RBMS3: variants seen among roughly 807,000 people sequenced by gnomAD.
RBMS3 encodes the protein RNA binding motif single stranded interacting protein 3, also known as RNA-binding motif, single-stranded-interacting protein 3.
In RBMS3, 27 loss-of-function variants were observed where a neutral mutation model predicts 66.8. The ratio of observed to expected loss-of-function variants is 0.40; its 90% CI spans 0.30 to 0.56. The LOEUF is 0.56. Ranked by LOEUF, RBMS3 falls within the 20% of genes least tolerant of loss-of-function variation. The pLI is 0.40. For synonymous variants in RBMS3, 188 were observed against 183.0 expected, an observed-to-expected ratio of 1.03 and a Z score of -0.22; for missense variants, 513 against 549.5, an observed-to-expected ratio of 0.93 and a Z score of 0.66.
intron 2 of RBMS3, among the ~76,000 whole-genome samples, chr3:29,457,297 C>T (rs1022351989): frequency 6.6e-6 from 1 of 152,216 alleles, no homozygotes; most frequent in Admixed American, 6.5e-5. Context: ...CAGTCTCTTA[C>T]TCCAAAAGCC....
chr3:29,557,541 TTTGA>T (rs1293490711), intron 3 of RBMS3, among the ~76,000 whole-genome samples: 1 of 152,184 alleles, frequency 6.6e-6, no homozygotes, highest in Non-Finnish European at 1.5e-5. Context: ...TTTTAATGTG[TTTGA>T]TTGGTTCAGA....
At chr3:29,308,135 C>G (rs1411056345) in intron 1 of RBMS3, among the ~76,000 whole-genome samples, 1 of 151,268 alleles carries the variant, frequency 6.6e-6, no homozygotes, top group South Asian at 2.1e-4. Context: ...TTTTTAAATA[C>G]TTGTCAGCAG....
chr3:29,993,694 T>G (rs1169312834), intron 14 of RBMS3, among the ~76,000 whole-genome samples: 1 of 152,178 alleles, frequency 6.6e-6, no homozygotes. Flanking sequence ...GCCTTTGAAC[T>G]TAAACAAAAA....
intron 4 of RBMS3, among the ~76,000 whole-genome samples, chr3:29,587,528 G>C (rs1310108105): frequency 1.3e-5 from 2 of 151,564 alleles, no homozygotes; most frequent in African/African-American, 4.8e-5. Context: ...CACTCGTGAA[G>C]TGCTCTGTTC....
At chr3:29,763,588 A>G (rs572830949) in intron 6 of RBMS3, among the ~76,000 whole-genome samples, 4 of 152,188 alleles carry the variant, frequency 2.6e-5, no homozygotes, top group African/African-American at 9.6e-5. Context: ...GGCATTTCAC[A>G]CTTCCCAAGG....
At chr3:29,362,933 T>A (rs1474463420) in intron 1 of RBMS3, among the ~76,000 whole-genome samples, 1 of 152,244 alleles carries the variant, frequency 6.6e-6, no homozygotes, top group African/African-American at 2.4e-5. Flanking sequence ...CTATCTATGA[T>A]CTTGCTTTGT....
intron 4 of RBMS3, among the ~76,000 whole-genome samples, chr3:29,600,354 G>C (rs79472823): frequency 0.024 from 3,715 of 151,992 alleles, 175 homozygotes; most frequent in African/African-American, 0.085. Flanking sequence ...ATGAGATCTT[G>C]CTCTATTAGT....
intron 6 of RBMS3, among the ~76,000 whole-genome samples, chr3:29,824,247 T>G (rs191660352): frequency 3.9e-4 from 59 of 152,162 alleles, no homozygotes; most frequent in African/African-American, 1.3e-3. Context: ...AATGTCCTTA[T>G]GAAAGAGTTC....
At chr3:29,432,541 A>AT (rs1312117512) in intron 1 of RBMS3, among the ~76,000 whole-genome samples, 2 of 152,110 alleles carry the variant, frequency 1.3e-5, no homozygotes, top group African/African-American at 2.4e-5. Flanking sequence ...TCTTTATTCC[A>AT]TTTTTTATTA....
At chr3:29,357,142 G>A (rs1336602707) in intron 1 of RBMS3, among the ~76,000 whole-genome samples, 2 of 152,084 alleles carry the variant, frequency 1.3e-5, no homozygotes, top group Non-Finnish European at 2.9e-5. Context: ...TTGGTGTGCT[G>A]CACCCATTAA....
chr3:29,832,224 G>C (rs181719922), intron 6 of RBMS3, among the ~76,000 whole-genome samples: 32 of 152,308 alleles, frequency 2.1e-4, no homozygotes, highest in African/African-American at 7.5e-4. Flanking sequence ...CATACAAAGA[G>C]AGAGGTGGAA....
At chr3:29,537,913 A>G (rs569563361) in intron 3 of RBMS3, among the ~76,000 whole-genome samples, 1 of 152,094 alleles carries the variant, frequency 6.6e-6, no homozygotes, top group South Asian at 2.1e-4. Context: ...ATTGTGAGTC[A>G]TGATGAACTA....
At chr3:29,372,132 G>T (rs4680721) in intron 1 of RBMS3, among the ~76,000 whole-genome samples, 13,955 of 149,448 alleles carry the variant, frequency 0.093, 822 homozygotes, top group Non-Finnish European at 0.13. Context: ...GTTCAAAGGT[G>T]TGAAACAGTT....
chr3:29,322,416 G>A (rs1211342462), intron 1 of RBMS3, among the ~76,000 whole-genome samples: 1 of 151,902 alleles, frequency 6.6e-6, no homozygotes, highest in Non-Finnish European at 1.5e-5. Flanking sequence ...ATATTCTGGG[G>A]CCTATATCAC....
chr3:29,632,682 G>T (rs759828719), intron 4 of RBMS3, among the ~76,000 whole-genome samples: 20 of 151,954 alleles, frequency 1.3e-4, no homozygotes, highest in Admixed American at 3.9e-4. Flanking sequence ...TGACTAAATG[G>T]ATCTTTGTGA....
chr3:29,726,479 A>G (rs1170167450), intron 4 of RBMS3, among the ~76,000 whole-genome samples: 1 of 152,020 alleles, frequency 6.6e-6, no homozygotes, highest in East Asian at 1.9e-4. Flanking sequence ...CAGCGCAAAA[A>G]CTCCTTATGC....
intron 1 of RBMS3, among the ~76,000 whole-genome samples, chr3:29,356,724 T>C (rs2037242148): frequency 6.6e-6 from 1 of 152,188 alleles, no homozygotes; most frequent in Non-Finnish European, 1.5e-5. Context: ...ATATTTACTG[T>C]GAAAGATGTG....
chr3:29,740,559 AC>A (rs1473874142), intron 5 of RBMS3, among the ~76,000 whole-genome samples: 130 of 152,360 alleles, frequency 8.5e-4, no homozygotes, highest in African/African-American at 2.8e-3. Context: ...AAATAGTTGT[AC>A]CTGCTGTGCT....
chr3:29,977,779 T>C (rs868763694), intron 12 of RBMS3, among the ~76,000 whole-genome samples: 45 of 150,148 alleles, frequency 3.0e-4, no homozygotes, highest in Middle Eastern at 3.4e-3. Context: ...AAATATTGTA[T>C]GGATTAATAT....
Sources: allele counts gnomAD v4.1 joint callset (sites outside exome capture counted in the v4.1 genomes callset), GRCh38; gene constraint gnomAD v4.1.1; transcripts MANE v1.5; gene names NCBI Gene and HGNC (gene_info 2026-07-23, HGNC 2026-07-21).